The following SORCS1 variants were observed in gnomAD, a reference collection of about 807,000 sequenced individuals.
The protein encoded by SORCS1 is sortilin related VPS10 domain containing receptor 1.
A neutral mutation model predicts 146.1 loss-of-function variants in SORCS1; 60 were observed. That is an observed-to-expected ratio of 0.41 (90% CI 0.33 to 0.51). SORCS1 has a LOEUF of 0.51. Ranked by LOEUF, SORCS1 falls within the 20% of genes least tolerant of loss-of-function variation. SORCS1 has a pLI of 0.21. For synonymous variants in SORCS1, 637 were observed against 584.0 expected, an observed-to-expected ratio of 1.09 and a Z score of -1.31; for missense variants, 1,352 against 1,487.6, an observed-to-expected ratio of 0.91 and a Z score of 1.50.
intron 1 of SORCS1, among the ~76,000 whole-genome samples, chr10:107,127,914 T>C (rs773903082): frequency 1.3e-5 from 2 of 152,226 alleles, no homozygotes; most frequent in Non-Finnish European, 2.9e-5. Flanking sequence ...CTTTGGCCAG[T>C]AATGTATCAT....
At chr10:106,813,553 C>G (rs1432687644) in intron 3 of SORCS1, among the ~76,000 whole-genome samples, 4 of 152,254 alleles carry the variant, frequency 2.6e-5, no homozygotes, top group African/African-American at 7.2e-5. Flanking sequence ...AAAGTTAGAA[C>G]AAGAAATATT....
intron 2 of SORCS1, among the ~76,000 whole-genome samples, chr10:106,924,942 A>C (rs573745522): frequency 6.6e-6 from 1 of 152,230 alleles, no homozygotes; most frequent in Non-Finnish European, 1.5e-5. Context: ...GCAAACTGAC[A>C]ATTCTTTTCC....
At chr10:107,118,413 G>T (rs1012911911) in intron 1 of SORCS1, among the ~76,000 whole-genome samples, 2 of 152,204 alleles carry the variant, frequency 1.3e-5, no homozygotes, top group African/African-American at 4.8e-5. Flanking sequence ...TAGACAGTTT[G>T]CAGTAAATCC....
In SORCS1 at chr10:106,906,663, A is replaced by G. The variant is rs529089029; in HGVS notation, c.626+49850T>C. 7.7e-4 allele frequency among the ~76,000 whole-genome samples: 117 copies of G among 152,300 alleles called. 6 individuals are homozygous for G. The South Asian group carries it at 0.024, about 31-fold the overall frequency. On this transcript the variant is annotated intron_variant, in intron 2 of 25. Transcript: ENST00000263054. ...CTGGGTCCCTTCCACAACACGTGGG[A>G]ATTCTGGGAGATACAATTCCAGTTG...
chr10:106,878,165 CTTTTT>C (rs35701765), intron 2 of SORCS1, among the ~76,000 whole-genome samples: 8 of 141,074 alleles, frequency 5.7e-5, no homozygotes, highest in African/African-American at 1.8e-4. Context: ...GCAGACAGGG[CTTTTT>C]TTTTTTTTTT....
chr10:106,830,303 T>C (rs1273848190), intron 2 of SORCS1, among the ~76,000 whole-genome samples: 1 of 152,186 alleles, frequency 6.6e-6, no homozygotes, highest in African/African-American at 2.4e-5. Context: ...TAGCCATTGG[T>C]CAATAAATTA....
intron 1 of SORCS1, among the ~76,000 whole-genome samples, chr10:107,078,302 T>A (rs988575): frequency 0.52 from 78,492 of 151,938 alleles, 21,544 homozygotes; most frequent in African/African-American, 0.68. Flanking sequence ...GGGACAAAAA[T>A]ATAAAATAAA....
At chr10:106,720,180 T>G (rs1390437946) in intron 6 of SORCS1, among the ~76,000 whole-genome samples, 2 of 152,190 alleles carry the variant, frequency 1.3e-5, no homozygotes, top group East Asian at 3.9e-4. Context: ...GTAAACTTTA[T>G]GAGAGCAGAG....
intron 3 of SORCS1, among the ~76,000 whole-genome samples, chr10:106,785,163 T>C (rs573899326): frequency 6.6e-6 from 1 of 152,328 alleles, no homozygotes; most frequent in South Asian, 2.1e-4. Context: ...GCTCTCCTTA[T>C]CTGTCTGAAG....
At chr10:106,820,789 A>G (rs1415866307) in intron 3 of SORCS1, among the ~76,000 whole-genome samples, 1 of 152,240 alleles carries the variant, frequency 6.6e-6, no homozygotes, top group African/African-American at 2.4e-5. Context: ...GTCAAACACA[A>G]GATGACGGAA....
intron 6 of SORCS1, among the ~76,000 whole-genome samples, chr10:106,727,012 G>T (rs1387354742): frequency 1.3e-5 from 2 of 151,974 alleles, no homozygotes; most frequent in East Asian, 3.9e-4. Context: ...CCTGAACCTG[G>T]GAGGCGGAGC....
Position 107,097,284 on chromosome 10 carries a change from C to A in SORCS1, c.558+66685G>T, listed in dbSNP as rs77519475. Among the ~76,000 whole-genome samples, 873 of 152,306 alleles carry A rather than the reference C, an allele frequency of 5.7e-3. 9 individuals carry two copies. Among genetic ancestry groups the A allele is most frequent in the African/African-American group, 0.02 (827 of 41,572 alleles). On this transcript the variant is annotated intron_variant, in intron 1 of 25. Transcript: ENST00000263054. ...AAAACACATTTTTGGAATCAGAAAT[C>A]TTTCATCTGATTTCTTTGTTGCATG...
chr10:107,095,067 T>C (rs1964454894), intron 1 of SORCS1, among the ~76,000 whole-genome samples: 2 of 152,178 alleles, frequency 1.3e-5, no homozygotes. Context: ...GACACAGATG[T>C]TACCTAAGAG....
intron 1 of SORCS1, among the ~76,000 whole-genome samples, chr10:107,120,353 T>C (rs753334676): frequency 6.6e-5 from 10 of 152,154 alleles, no homozygotes; most frequent in African/African-American, 2.4e-4. Flanking sequence ...AATAAATACA[T>C]GAATAAAGAA....
chr10:106,636,373 C>T (rs892376902), intron 18 of SORCS1, among the ~76,000 whole-genome samples: 2 of 152,180 alleles, frequency 1.3e-5, no homozygotes, highest in Admixed American at 1.3e-4. Flanking sequence ...TCAGAAATAG[C>T]AACTACTTTC....
At position 106,672,989 on chromosome 10, in the gene SORCS1, C is replaced by T; in HGVS notation, c.1941-4G>A. The T allele has an allele frequency of 6.2e-7, 1 of 1,609,884 alleles. No individual in the cohort carries two copies. Among genetic ancestry groups the T allele is most frequent in the Non-Finnish European group, 8.5e-7 (1 of 1,176,350 alleles). ...GTGGCTGAAGTGTCCAAACACTCTA[C>T]AGAGTTCATGGTGATAAAAATAATT... On this transcript the variant is annotated splice_polypyrimidine_tract_variant and splice_region_variant and intron_variant, in intron 14 of 25. Coordinates refer to ENST00000263054, the MANE Select transcript of SORCS1 (RefSeq NM_052918.5).
chr10:106,760,966 G>T (rs747646741), intron 5 of SORCS1, among the ~76,000 whole-genome samples: 2 of 152,026 alleles, frequency 1.3e-5, no homozygotes, highest in African/African-American at 2.4e-5. Context: ...AAGTAGCCAG[G>T]CATGGTGGCG....
At chr10:107,052,941 G>A (rs1960262160) in intron 1 of SORCS1, among the ~76,000 whole-genome samples, 1 of 152,032 alleles carries the variant, frequency 6.6e-6, no homozygotes, top group East Asian at 1.9e-4. Flanking sequence ...TTCTCCTCTA[G>A]CCATTTTTAC....
At chr10:106,775,754 C>CT (rs778125415) in intron 4 of SORCS1, among the ~76,000 whole-genome samples, 3 of 152,324 alleles carry the variant, frequency 2.0e-5, no homozygotes, top group Non-Finnish European at 4.4e-5. Flanking sequence ...GCCAGAGTCT[C>CT]TCTCACATTT....
Sources: allele counts gnomAD v4.1 joint callset (sites outside exome capture counted in the v4.1 genomes callset), GRCh38; gene constraint gnomAD v4.1.1; transcripts MANE v1.5; gene names NCBI Gene and HGNC (gene_info 2026-07-23, HGNC 2026-07-21).